TXNRD1: variants seen among roughly 807,000 people sequenced by gnomAD.
The protein encoded by TXNRD1 is thioredoxin reductase 1.
A neutral mutation model predicts 80.3 loss-of-function variants in TXNRD1; 57 were observed. The ratio of observed to expected loss-of-function variants is 0.71; its 90% confidence interval spans 0.57 to 0.89. The LOEUF (loss-of-function observed/expected upper bound fraction) is 0.89. Ranked by LOEUF, TXNRD1 falls within the 40% of genes least tolerant of loss-of-function variation. TXNRD1 has a pLI of 0.00. For missense variants in TXNRD1, 730 were observed against 803.0 expected (o/e 0.91, Z 1.10); for synonymous variants, 291 against 285.2 (o/e 1.02, Z -0.20).
chr12:104,228,556 A>G (rs2032530071), intron 1 of TXNRD1, among the ~76,000 whole-genome samples: 1 of 152,068 alleles, frequency 6.6e-6, no homozygotes, highest in African/African-American at 2.4e-5. Context: ...GCTTGAACCC[A>G]GGAGGCAGAG....
chr12:104,316,022 G>T (rs2035313993), intron 7 of TXNRD1, 126 bp downstream of exon 7: 1 of 1,047,236 alleles, frequency 9.5e-7, no homozygotes, highest in African/African-American at 1.6e-5. Context: ...TTACATTTTT[G>T]ATGGATATAA....
chr12:104,346,559 A>T (rs1250733081), intron 16 of TXNRD1, among the ~76,000 whole-genome samples: 1 of 152,178 alleles, frequency 6.6e-6, no homozygotes, highest in Non-Finnish European at 1.5e-5. Flanking sequence ...CTCATTATAA[A>T]AATGGAAAAG....
intron 4 of TXNRD1, among the ~76,000 whole-genome samples, chr12:104,307,998 T>G (rs1593803972): frequency 1.3e-5 from 2 of 149,452 alleles, no homozygotes; most frequent in East Asian, 4.0e-4. Context: ...CCCTTTTCTT[T>G]CTTTTTTTTT....
In TXNRD1 at chr12:104,331,487, A is replaced by T. The variant is rs1190793782; in HGVS notation, c.1543-47A>T. 5.6e-6 allele frequency: 7 copies of T among 1,258,972 alleles called. No individual in the cohort carries two copies. In the Admixed American group the frequency reaches 7.3e-5, roughly 13 times the overall value. The allele number at this position is 1,258,972 out of a possible 1,614,324, so 78.0% of individuals were successfully genotyped here. A position where few individuals can be genotyped will look rare whatever the true frequency, so the allele number is the denominator to read the frequency against. On this transcript the variant is annotated intron_variant, in intron 13 of 16. Coordinates refer to ENST00000525566, the MANE Select transcript of TXNRD1 (RefSeq NM_001093771.3). ...ACTTTTTTGAATACCTTTTTTTTTA[A>T]GTTATAACTTTGCCTATTATAACTC... is the stretch of plus-strand genomic sequence containing the variant.
intron 3 of TXNRD1, among the ~76,000 whole-genome samples, chr12:104,266,511 C>CGAGAA (rs151125384): frequency 0.045 from 4,714 of 104,788 alleles, 141 homozygotes; most frequent in East Asian, 0.2. Context: ...GGTGACAGAG[C>CGAGAA]GAGAATTCAT....
chr12:104,345,821 C>T (rs1327015297), intron 16 of TXNRD1, among the ~76,000 whole-genome samples: 1 of 152,044 alleles, frequency 6.6e-6, no homozygotes, highest in African/African-American at 2.4e-5. Context: ...GAGCCTTCTG[C>T]GGCTGGAAGT....
At chr12:104,301,423 C>G (rs183420120) in intron 4 of TXNRD1, among the ~76,000 whole-genome samples, 2 of 152,114 alleles carry the variant, frequency 1.3e-5, no homozygotes, top group Admixed American at 6.5e-5. Flanking sequence ...CTGCAAGCTC[C>G]GTCTCCTGGG....
At chr12:104,232,610 G>A (rs150700129) in intron 1 of TXNRD1, among the ~76,000 whole-genome samples, 143 of 152,044 alleles carry the variant, frequency 9.4e-4, no homozygotes, top group African/African-American at 3.1e-3. Flanking sequence ...AACCCTGTGC[G>A]GGGACTGGGT....
intron 1 of TXNRD1, among the ~76,000 whole-genome samples, chr12:104,250,974 C>CA (rs940762996): frequency 7.9e-4 from 120 of 152,278 alleles, no homozygotes; most frequent in African/African-American, 2.8e-3. Flanking sequence ...TGGGCCAGCA[C>CA]AAAATCCTGA....
At chr12:104,288,444 G>A (rs1023714982) in intron 3 of TXNRD1, among the ~76,000 whole-genome samples, 1 of 152,182 alleles carries the variant, frequency 6.6e-6, no homozygotes, top group Non-Finnish European at 1.5e-5. Context: ...TAGGCAGAGT[G>A]TTCTTAATTT....
intron 9 of TXNRD1, among the ~76,000 whole-genome samples, chr12:104,319,822 A>G (rs1403285738): frequency 6.6e-6 from 1 of 152,282 alleles, no homozygotes; most frequent in Admixed American, 6.5e-5. Context: ...GAGTATCACT[A>G]ACATACTAGT....
intron 4 of TXNRD1, among the ~76,000 whole-genome samples, chr12:104,290,655 C>T (rs984685392): frequency 7.0e-6 from 1 of 141,874 alleles, no homozygotes; most frequent in Non-Finnish European, 1.5e-5. Context: ...GCTGAGATTG[C>T]GCCACTGCAC....
intron 3 of TXNRD1, chr12:104,284,226 T>C (rs2033931081): frequency 6.6e-6 from 1 of 152,250 alleles, no homozygotes; most frequent in South Asian, 2.1e-4. Context: ...TTGAAGTTTG[T>C]GGTCTTAACT....
intron 16 of TXNRD1, chr12:104,346,056 A>G (rs891286424): frequency 8.4e-7 from 1 of 1,196,854 alleles, no homozygotes; most frequent in Non-Finnish European, 1.1e-6. Flanking sequence ...CCTGTCACCC[A>G]GGCTGGAGTG....
At chr12:104,334,802 C>T (rs2036077274) in intron 15 of TXNRD1, among the ~76,000 whole-genome samples, 1 of 152,132 alleles carries the variant, frequency 6.6e-6, no homozygotes, top group East Asian at 1.9e-4. Context: ...CTGCTGCCCC[C>T]TCATCTTCAC....
Position 104,215,874 on chromosome 12 carries a change from C to T in TXNRD1, c.72C>T (p.Gly24=). The T allele has an allele frequency of 1.3e-6, 2 of 1,556,728 alleles. No homozygotes were observed. Among genetic ancestry groups the T allele is most frequent in the Non-Finnish European group, 1.7e-6 (2 of 1,150,924 alleles). Residue 24 remains glycine (G), a synonymous_variant, in exon 1 of 17, where the codon GGC becomes GGT. Coordinates refer to ENST00000525566, the MANE Select transcript of TXNRD1 (RefSeq NM_001093771.3). ...PTELQTKGKN[G]DGRRRSAKDH... is the part of the protein sequence containing the mutation. ...AGCTGCAGACGAAAGGCAAGAACGG[C>T]GATGGCCGCCGTAGGTCAGGTACGA...
chr12:104,347,396 G>C (rs137982884), intron 16 of TXNRD1, among the ~76,000 whole-genome samples: 6 of 152,102 alleles, frequency 3.9e-5, no homozygotes, highest in African/African-American at 1.4e-4. Flanking sequence ...TTGTTTTTAC[G>C]TACAGGCAAT....
At chr12:104,335,353 C>T (rs1157463533) in intron 15 of TXNRD1, among the ~76,000 whole-genome samples, 2 of 152,102 alleles carry the variant, frequency 1.3e-5, no homozygotes, top group African/African-American at 4.8e-5. Flanking sequence ...AGGCACCCAC[C>T]ACCATGCCCA....
At chr12:104,331,998 T>A (rs2135864693) in intron 14 of TXNRD1, among the ~76,000 whole-genome samples, 1 of 152,304 alleles carries the variant, frequency 6.6e-6, no homozygotes, top group South Asian at 2.1e-4. Context: ...TTAATTTTCA[T>A]TTTCTAATTC....
Sources: allele counts gnomAD v4.1 joint callset (sites outside exome capture counted in the v4.1 genomes callset), GRCh38; gene constraint gnomAD v4.1.1; transcripts MANE v1.5; gene names NCBI Gene and HGNC (gene_info 2026-07-23, HGNC 2026-07-21).